The following EYS variants were observed in gnomAD, a reference collection of about 807,000 sequenced individuals.
EYS encodes the protein protein eyes shut homolog.
In EYS, 250 loss-of-function variants were observed where a neutral mutation model predicts 282.1. The ratio of observed to expected loss-of-function variants is 0.89; its 90% CI spans 0.80 to 0.98. The LOEUF (loss-of-function observed/expected upper bound fraction) is 0.98, where lower values mean the gene tolerates loss of function less well. Among genes scored for constraint, EYS ranks in the 50% least tolerant of loss-of-function variants. The pLI, the probability that EYS is intolerant of heterozygous loss-of-function variation, is 0.00. For synonymous variants in EYS, 1,355 were observed against 1,282.9 expected, an observed-to-expected ratio of 1.06 and a Z score of -1.20; for missense variants, 4,016 against 3,709.0, an observed-to-expected ratio of 1.08 and a Z score of -2.15.
chr6:64,216,942 T>C (rs1765946919), intron 31 of EYS, among the ~76,000 whole-genome samples: 1 of 152,210 alleles, frequency 6.6e-6, no homozygotes, highest in Non-Finnish European at 1.5e-5. Flanking sequence ...CTAAATTCCC[T>C]ATCTTCCCAC....
intron 12 of EYS, among the ~76,000 whole-genome samples, chr6:65,180,855 A>G (rs993023645): frequency 1.3e-5 from 2 of 152,164 alleles, no homozygotes; most frequent in Admixed American, 6.5e-5. Context: ...GTACCAAAAC[A>G]GAGATATAGA....
intron 33 of EYS, among the ~76,000 whole-genome samples, chr6:64,031,449 G>A (rs528102098): frequency 6.6e-6 from 1 of 152,318 alleles, no homozygotes; most frequent in African/African-American, 2.4e-5. Flanking sequence ...TCCCTGATCA[G>A]GATCGCCCCC....
At chr6:65,396,218 C>T (rs1166508277) in intron 7 of EYS, among the ~76,000 whole-genome samples, 1 of 152,108 alleles carries the variant, frequency 6.6e-6, no homozygotes, top group African/African-American at 2.4e-5. Context: ...CTGAATCTTC[C>T]CTCTAACTCT....
intron 21 of EYS, among the ~76,000 whole-genome samples, 191 bp downstream of exon 21, chr6:64,821,454 G>C (rs1764895889): frequency 6.6e-6 from 1 of 151,874 alleles, no homozygotes; most frequent in Non-Finnish European, 1.5e-5. Flanking sequence ...GAAAGAAAAG[G>C]TGGGGGAAAA....
At chr6:63,951,309 C>T (rs919635134) in intron 35 of EYS, among the ~76,000 whole-genome samples, 16 of 152,178 alleles carry the variant, frequency 1.1e-4, no homozygotes, top group African/African-American at 3.6e-4. Context: ...AAAAACGTCA[C>T]TTTCGATTTC....
intron 31 of EYS, among the ~76,000 whole-genome samples, chr6:64,185,685 T>C (rs1396595370): frequency 1.3e-5 from 2 of 152,180 alleles, no homozygotes; most frequent in South Asian, 2.1e-4. Context: ...TGTGATGACA[T>C]TCATTTTCCT....
chr6:64,391,373 G>A (rs565878430), intron 28 of EYS, among the ~76,000 whole-genome samples: 37 of 152,236 alleles, frequency 2.4e-4, no homozygotes, highest in South Asian at 1.0e-3. Context: ...GGCAGCCAGA[G>A]AGAAAGGTCG....
intron 26 of EYS, among the ~76,000 whole-genome samples, chr6:64,462,605 C>A (rs1253758448): frequency 3.3e-5 from 5 of 152,050 alleles, no homozygotes. Flanking sequence ...TGCTATCAAT[C>A]ATCATGCTTC....
At position 65,399,273 on chromosome 6, in the gene EYS, A is replaced by G. The variant is rs546538639; in HGVS notation, c.1184+3205T>C. Among the ~76,000 whole-genome samples the G allele has an allele frequency of 1.3e-4, 20 of 152,120 alleles. 1 individual carries two copies. Among genetic ancestry groups the G allele is most frequent in the African/African-American group, 4.6e-4 (19 of 41,544 alleles). On this transcript the variant is annotated intron_variant, in intron 7 of 42. Transcript: ENST00000503581. ...TTATGGTTGCAGAAGAGTTTTACTT[A>G]GAGTAGGAAAGTTTCTGAAAAATAT...
At chr6:65,450,224 T>C (rs1764352513) in intron 5 of EYS, among the ~76,000 whole-genome samples, 1 of 152,154 alleles carries the variant, frequency 6.6e-6, no homozygotes, top group African/African-American at 2.4e-5. Flanking sequence ...AACACAGTTA[T>C]CACAGATTTT....
chr6:64,919,525 C>T (rs1239763204), intron 15 of EYS, among the ~76,000 whole-genome samples: 1 of 150,706 alleles, frequency 6.6e-6, no homozygotes, highest in Non-Finnish European at 1.5e-5. Flanking sequence ...CTATTTAGGC[C>T]ATCAAGCATC....
intron 35 of EYS, among the ~76,000 whole-genome samples, chr6:63,946,102 G>A (rs1298232787): frequency 1.3e-5 from 2 of 152,146 alleles, no homozygotes; most frequent in Non-Finnish European, 2.9e-5. Context: ...TTCTACAAAT[G>A]AAAACTCAAG....
chr6:64,950,784 CACATATACATAT>C (rs201905212), intron 14 of EYS, among the ~76,000 whole-genome samples: 2 of 94,230 alleles, frequency 2.1e-5, no homozygotes, highest in South Asian at 3.3e-4. Context: ...AAAATATATA[CACATATACATAT>C]ACATATATAT....
At chr6:63,986,502 G>A (rs1300094925) in intron 34 of EYS, among the ~76,000 whole-genome samples, 1 of 151,738 alleles carries the variant, frequency 6.6e-6, no homozygotes, top group Non-Finnish European at 1.5e-5. Context: ...ATTCATAATA[G>A]CAAAGATATG....
At chr6:65,440,080 G>A (rs370419795) in intron 5 of EYS, among the ~76,000 whole-genome samples, 1 of 151,984 alleles carries the variant, frequency 6.6e-6, no homozygotes. Context: ...AAAATTAAGT[G>A]ATTCAAAAAG....
At chr6:63,971,969 C>T (rs1367630028) in intron 35 of EYS, among the ~76,000 whole-genome samples, 2 of 152,172 alleles carry the variant, frequency 1.3e-5, no homozygotes, top group Admixed American at 1.3e-4. Flanking sequence ...TGTTGCTGTA[C>T]AGTCTTCCAC....
intron 22 of EYS, among the ~76,000 whole-genome samples, chr6:64,783,853 C>G (rs1458074060): frequency 6.6e-6 from 1 of 152,038 alleles, no homozygotes; most frequent in South Asian, 2.1e-4. Flanking sequence ...TTTCTTTACC[C>G]CAACTCTGCT....
At chr6:65,564,032 G>A (rs3005158) in intron 2 of EYS, among the ~76,000 whole-genome samples, 1 of 152,062 alleles carries the variant, frequency 6.6e-6, no homozygotes, top group Admixed American at 6.6e-5. Flanking sequence ...TTGCTACAAA[G>A]AGAATAAAAA....
At chr6:65,252,525 C>T (rs1336193873) in intron 12 of EYS, among the ~76,000 whole-genome samples, 1 of 152,036 alleles carries the variant, frequency 6.6e-6, no homozygotes, top group East Asian at 1.9e-4. Flanking sequence ...TAAATAAGAT[C>T]CAGCGTCTCA....
Sources: allele counts gnomAD v4.1 joint callset (sites outside exome capture counted in the v4.1 genomes callset), GRCh38; gene constraint gnomAD v4.1.1; transcripts MANE v1.5; gene names NCBI Gene and HGNC (gene_info 2026-07-23, HGNC 2026-07-21).